The following MRC2 variants were observed in gnomAD, a reference collection of about 807,000 sequenced individuals.
MRC2 encodes the protein mannose receptor C-type 2, also known as C-type mannose receptor 2.
MRC2 carries 84 observed loss-of-function variants against 206.2 expected under a neutral mutation model. That is an observed-to-expected ratio of 0.41 (90% CI 0.34 to 0.49). MRC2 has a LOEUF of 0.49. Among genes scored for constraint, MRC2 ranks in the 20% least tolerant of loss-of-function variants. MRC2 has a pLI of 0.31. For missense variants in MRC2, 1,676 were observed against 2,001.5 expected, an observed-to-expected ratio of 0.84 and a Z score of 3.10; for synonymous variants, 798 against 800.0, an observed-to-expected ratio of 1.00 and a Z score of 0.04.
intron 25 of MRC2, 27 bp downstream of exon 25, chr17:62,690,089 G>C (rs372158522): frequency 6.3e-6 from 10 of 1,583,432 alleles, no homozygotes; most frequent in Non-Finnish European, 7.7e-6. Flanking sequence ...CAGGGCGGGG[G>C]CATGGGCAAG....
At chr17:62,674,730 T>G (rs2088869830) in intron 9 of MRC2, among the ~76,000 whole-genome samples, 1 of 148,862 alleles carries the variant, frequency 6.7e-6, no homozygotes, top group Non-Finnish European at 1.5e-5. Context: ...ATGAAAGCTG[T>G]GTAAGTGAGT....
chr17:62,657,544 A>G (rs1373022180), intron 1 of MRC2, among the ~76,000 whole-genome samples: 1 of 152,094 alleles, frequency 6.6e-6, no homozygotes, highest in Non-Finnish European at 1.5e-5. Flanking sequence ...GGAGAATCCC[A>G]AGATCCTTGT....
chr17:62,688,281 C>T lies in MRC2; in HGVS notation c.2947-8C>T, dbSNP rs1199077724. ...GCTGGCCATTACATCCCCACCTCTG[C>T]CCCACAGTGTTTTCAGGTCCAGGGC... is the stretch of plus-strand genomic sequence containing the variant. On this transcript the variant is annotated splice_region_variant and splice_polypyrimidine_tract_variant and intron_variant, in intron 20 of 29. Transcript: ENST00000303375. 6.2e-7 allele frequency: 1 copy of T among 1,612,816 alleles called. No homozygotes were observed. The highest frequency in any genetic ancestry group is 8.5e-7 in the Non-Finnish European group (1 of 1,179,180).
In MRC2 at chr17:62,627,810, C is replaced by A; in HGVS notation, c.8C>A (p.Pro3His). The A allele has an allele frequency of 6.9e-7, 1 of 1,439,360 alleles. No individual in the cohort carries two copies. The highest frequency in any genetic ancestry group is 1.4e-5 in the South Asian group (1 of 71,630). 89.2% of individuals were successfully genotyped at this position (1,439,360 alleles called of 1,614,324 possible). A position where few individuals can be genotyped will look rare whatever the true frequency, so the allele number is the denominator to read the frequency against. ...TGAGCGCCGCGCTCGGGGATGGGGC[C>A]CGGCCGGCCGGCCCCCGCGCCCTGG... is the stretch of plus-strand genomic sequence containing the variant. MG[P>H]GRPAPAPWPR... The change falls in exon 1 of 30, where the codon CCC (proline) becomes CAC (histidine). Residue 3 changes from proline (P) to histidine (H), a missense_variant. Physicochemically the swap from Pro to His is moderately conservative, Grantham distance 77. Transcript: ENST00000303375.
chr17:62,651,817 C>A (rs1436812827), intron 1 of MRC2, among the ~76,000 whole-genome samples: 2 of 152,164 alleles, frequency 1.3e-5, no homozygotes, highest in Non-Finnish European at 2.9e-5. Context: ...AGTGATCCAC[C>A]TGCCTCGGCC....
At chr17:62,665,588 T>A (rs778579456) in intron 2 of MRC2, among the ~76,000 whole-genome samples, 5 of 152,136 alleles carry the variant, frequency 3.3e-5, no homozygotes, top group Non-Finnish European at 7.4e-5. Context: ...TGAAACCCCA[T>A]TGTAGCCCCC....
Position 62,672,247 on chromosome 17 carries a change from C to A in MRC2, c.1461+95C>A. 2.0e-6 allele frequency: 3 copies of A among 1,476,450 alleles called. No homozygotes were observed. Among genetic ancestry groups the A allele is most frequent in the South Asian group, 2.3e-5 (2 of 85,418 alleles). 91.5% of individuals were successfully genotyped at this position (1,476,450 alleles called of 1,614,324 possible). Reference sequence around the variant, plus strand: ...AAGGACATCCTAGTTACTATCAGAACCTGCCTGGAACCTCTTACCTCTCAG... The same window carrying A: ...AAGGACATCCTAGTTACTATCAGAAACTGCCTGGAACCTCTTACCTCTCAG... On this transcript the variant is annotated intron_variant, in intron 8 of 29. Transcript: ENST00000303375. This position sits in a 1 kb window ranked among gnomAD's most constrained non-coding sequence, Gnocchi z 4.5.
At position 62,671,483 on chromosome 17, in the gene MRC2, T is replaced by C. The variant is rs1186224414; in HGVS notation, c.1118-166T>C. Among the ~76,000 whole-genome samples the C allele has an allele frequency of 1.3e-5, 2 of 152,198 alleles. No individual in the cohort carries two copies. Among genetic ancestry groups the C allele is most frequent in the Non-Finnish European group, 2.9e-5 (2 of 68,032 alleles). On this transcript the variant is annotated intron_variant, in intron 6 of 29. Coordinates refer to ENST00000303375, the MANE Select transcript of MRC2 (RefSeq NM_006039.5). The surrounding 1 kb of genome is among the most constrained non-coding windows in gnomAD (Gnocchi z 4.5). ...GCTCCAGCAGCCCTGTAAAGTTTTG[T>C]GTTTTTTTAGCATTTCCAAGACCTG...
At position 62,680,707 on chromosome 17, in the gene MRC2, C is replaced by G; in HGVS notation, c.2474-93C>G. 1 of 1,380,886 alleles carries G rather than the reference C, an allele frequency of 7.2e-7. No homozygotes were observed. Among genetic ancestry groups the G allele is most frequent in the Non-Finnish European group, 9.4e-7 (1 of 1,064,590 alleles). The allele number at this position is 1,380,886 out of a possible 1,614,324, so 85.5% of individuals were successfully genotyped here. ...TGCCTGCAGGCTCGCCTGCTGCCGC[C>G]TGGCTCTGCCCCGGCCCTGCCGCGC... On this transcript the variant is annotated intron_variant, in intron 16 of 29. Transcript: ENST00000303375. This position sits in a 1 kb window ranked among gnomAD's most constrained non-coding sequence, Gnocchi z 4.8.
Position 62,690,655 on chromosome 17 carries a change from C to T in MRC2, c.3906C>T (p.Val1302=). ...CTTTGCATCCAGCGGGTGGGGCCGT[C>T]CTGTCTATCCTGGATGAGATGGAGA... The part of the protein sequence containing the change: ...RQRCQRAGGA[V]LSILDEMENV... The change falls in exon 27 of 30, where the codon GTC becomes GTT. Residue 1302 remains valine, a synonymous_variant. Transcript: ENST00000303375. 6.2e-7 allele frequency: 1 copy of T among 1,610,108 alleles called. No individual in the cohort carries two copies. Among genetic ancestry groups the T allele is most frequent in the Non-Finnish European group, 8.5e-7 (1 of 1,178,156 alleles).
rs999150702 is a variant in MRC2 at position 62,633,502 on chromosome 17, CAAAAA to C, written c.118+5598_118+5602del. 4.1e-5 allele frequency among the ~76,000 whole-genome samples: 3 copies of C among 73,534 alleles called. No homozygotes were observed. In the East Asian group the frequency reaches 1.5e-3, roughly 37 times the overall value. 48.2% of individuals were successfully genotyped at this position (73,534 alleles called of 152,430 possible). A position where few individuals can be genotyped will look rare whatever the true frequency, so the allele number is the denominator to read the frequency against. ...TGGGCAACAGAGCGGGACTCCGTCTCAAAAAAAAAAAAAAAAAAAAGAGAAAACAT... is the reference window on the plus strand; with the variant it reads ...TGGGCAACAGAGCGGGACTCCGTCTCAAAAAAAAAAAAAAAGAGAAAACAT... On this transcript the variant is annotated intron_variant, in intron 1 of 29. Coordinates refer to ENST00000303375, the MANE Select transcript of MRC2 (RefSeq NM_006039.5).
At chr17:62,637,091 G>C (rs991646866) in intron 1 of MRC2, among the ~76,000 whole-genome samples, 1 of 152,148 alleles carries the variant, frequency 6.6e-6, no homozygotes, top group Admixed American at 6.5e-5. Context: ...TGCTAGGCTC[G>C]GTGACTCATG....
intron 1 of MRC2, among the ~76,000 whole-genome samples, chr17:62,657,824 C>CT (rs2088635836): frequency 6.6e-6 from 1 of 152,182 alleles, no homozygotes; most frequent in Non-Finnish European, 1.5e-5. Flanking sequence ...CGTGCACTCC[C>CT]CCTCCACTAG....
intron 13 of MRC2, 59 bp from the exon 14 acceptor site, chr17:62,679,741 G>A: frequency 6.5e-7 from 1 of 1,534,008 alleles, no homozygotes; most frequent in Non-Finnish European, 8.9e-7. Flanking sequence ...GGGCACGTTT[G>A]GGTTCCTGCC....
rs148179488 is a variant in MRC2, at chr17:62,688,562, G to C, written c.3123G>C (p.Ser1041=). ...ACCTTTGGATTGGCCTCCATGCCTC[G>C]CAGAGGGACTTCCAGTGGGTGGAGC... ...TFDLWIGLHA[S]QRDFQWVEQE... Residue 1041 remains serine (S), a synonymous_variant, in exon 22 of 30, where the codon TCG becomes TCC. Coordinates refer to ENST00000303375, the MANE Select transcript of MRC2 (RefSeq NM_006039.5). 3 of 1,614,212 alleles carry C rather than the reference G, an allele frequency of 1.9e-6. No homozygotes were observed. Among genetic ancestry groups the C allele is most frequent in the Non-Finnish European group, 2.5e-6 (3 of 1,180,028 alleles).
rs1238642119 is a variant in MRC2, at chr17:62,666,745, C to T, written c.860-12C>T. 1.2e-6 allele frequency: 2 copies of T among 1,612,516 alleles called. No individual in the cohort carries two copies. Among genetic ancestry groups the T allele is most frequent in the African/African-American group, 2.7e-5 (2 of 74,828 alleles). ...TGGGGATCCCCTGTTCAGTGTCCCTCCTTGCTGTCAGGCCTCCTCACTGGG... is the reference window on the plus strand; with the variant it reads ...TGGGGATCCCCTGTTCAGTGTCCCTTCTTGCTGTCAGGCCTCCTCACTGGG... On this transcript the variant is annotated splice_polypyrimidine_tract_variant and intron_variant, in intron 4 of 29. Transcript: ENST00000303375. This position sits in a 1 kb window ranked among gnomAD's most constrained non-coding sequence, Gnocchi z 5.0.
At chr17:62,682,524 A>G (rs2088981448) in intron 20 of MRC2, 147 bp downstream of exon 20, 3 of 921,934 alleles carry the variant, frequency 3.3e-6, no homozygotes, top group African/African-American at 1.7e-5. Context: ...ACCTGGCTCC[A>G]GTACCAGGGC....
At chr17:62,646,083 G>A (rs2088481269) in intron 1 of MRC2, among the ~76,000 whole-genome samples, 1 of 143,430 alleles carries the variant, frequency 7.0e-6, no homozygotes, top group Non-Finnish European at 1.5e-5. Flanking sequence ...GGAGTGCAGT[G>A]GTGCGATCTC....
In MRC2 at chr17:62,680,041, G is replaced by A; in HGVS notation, c.2299-129G>A. Reference sequence around the variant, plus strand: ...GAGCCGGCTTCAGGAAAGCAGGTCCGAGAGGGGTCACCCGGCCCCCGGTGA... The same window carrying A: ...GAGCCGGCTTCAGGAAAGCAGGTCCAAGAGGGGTCACCCGGCCCCCGGTGA... On this transcript the variant is annotated intron_variant, in intron 14 of 29. Transcript: ENST00000303375. This position sits in a 1 kb window ranked among gnomAD's most constrained non-coding sequence, Gnocchi z 4.8. 3 of 1,523,608 alleles carry A rather than the reference G, an allele frequency of 2.0e-6. No homozygotes were observed. The highest frequency in any genetic ancestry group is 4.5e-5 in the East Asian group (2 of 44,038). The allele number at this position is 1,523,608 out of a possible 1,614,324, so 94.4% of individuals were successfully genotyped here.
Sources: gnomAD v4.1 joint callset for allele counts (sites outside exome capture counted in the v4.1 genomes callset) on GRCh38, gnomAD v4.1.1 for gene constraint, Gnocchi (gnomAD v3.1) non-coding constraint, MANE v1.5 for transcripts, NCBI Gene and HGNC (gene_info 2026-07-23, HGNC 2026-07-21) for gene names.